Variants in PLCB1 observed in about 807,000 individuals in gnomAD.
PLCB1 encodes 1-phosphatidylinositol 4,5-bisphosphate phosphodiesterase beta-1.
A neutral mutation model predicts 161.8 loss-of-function variants in PLCB1; 46 were observed. The observed-to-expected ratio is 0.28, with a 90% CI of 0.22 to 0.36. The LOEUF (loss-of-function observed/expected upper bound fraction) is 0.36. Ranked by LOEUF, PLCB1 falls within the 10% of genes least tolerant of loss-of-function variation. The pLI, the probability that PLCB1 is intolerant of heterozygous loss-of-function variation, is 1.00. For missense variants in PLCB1, 1,016 were observed against 1,472.5 expected, an observed-to-expected ratio of 0.69 and a Z score of 5.07; for synonymous variants, 517 against 503.7, an observed-to-expected ratio of 1.03 and a Z score of -0.35.
intron 2 of PLCB1, among the ~76,000 whole-genome samples, chr20:8,241,199 G>A (rs1435406141): frequency 6.6e-6 from 1 of 151,968 alleles, no homozygotes; most frequent in Non-Finnish European, 1.5e-5. Flanking sequence ...TGCATAGTGA[G>A]TTGATAAAAA....
intron 31 of PLCB1, among the ~76,000 whole-genome samples, chr20:8,810,408 C>T (rs1342250130): frequency 1.3e-5 from 2 of 152,022 alleles, no homozygotes; most frequent in Non-Finnish European, 2.9e-5. Flanking sequence ...ACCATCATAA[C>T]ATTTTGGGAG....
intron 31 of PLCB1, among the ~76,000 whole-genome samples, chr20:8,802,689 A>G (rs1568605535): frequency 6.6e-6 from 1 of 152,134 alleles, no homozygotes; most frequent in Non-Finnish European, 1.5e-5. Context: ...TTATTCCCAC[A>G]TGGTATTTAG....
intron 9 of PLCB1, 91 bp downstream of exon 9, chr20:8,658,795 G>A: frequency 3.6e-6 from 4 of 1,104,762 alleles, no homozygotes; most frequent in Non-Finnish European, 3.9e-6. Context: ...TGATCGTTAG[G>A]TTAGTTTCCT....
chr20:8,185,838 T>C (rs751960044), intron 2 of PLCB1, among the ~76,000 whole-genome samples: 12 of 152,204 alleles, frequency 7.9e-5, no homozygotes, highest in Non-Finnish European at 1.8e-4. Flanking sequence ...GACTTTTTGG[T>C]TAGCTAGATT....
rs1284158232 is a variant in PLCB1, at chr20:8,737,019, A to G, written c.2044-9A>G. On this transcript the variant is annotated splice_polypyrimidine_tract_variant and intron_variant, in intron 19 of 31. Transcript: ENST00000338037. ...TCCTTATGGATTGATTGATTTATTG[A>G]TTTTCTAGATTATTTCAGGTCAGTT... 6.2e-7 allele frequency: 1 copy of G among 1,601,550 alleles called. No individual in the cohort carries two copies. The highest frequency in any genetic ancestry group is 1.7e-5 in the Admixed American group (1 of 59,574).
intron 31 of PLCB1, among the ~76,000 whole-genome samples, chr20:8,795,628 C>T (rs1057074532): frequency 2.6e-5 from 4 of 152,206 alleles, no homozygotes; most frequent in African/African-American, 9.6e-5. Context: ...AGTCTTCTGA[C>T]TCAGTGAAAT....
chr20:8,517,274 TAGAA>T (rs764855921), intron 3 of PLCB1, among the ~76,000 whole-genome samples: 1 of 152,032 alleles, frequency 6.6e-6, no homozygotes, highest in Non-Finnish European at 1.5e-5. Context: ...TATTGGAACA[TAGAA>T]AGATATGAAA....
At chr20:8,678,172 T>C (rs1990132344) in intron 9 of PLCB1, among the ~76,000 whole-genome samples, 1 of 152,126 alleles carries the variant, frequency 6.6e-6, no homozygotes, top group Non-Finnish European at 1.5e-5. Context: ...AGGGAAAATT[T>C]TAAAAAATTG....
In PLCB1 at chr20:8,297,004, G is replaced by A. The variant is rs73895761; in HGVS notation, c.178-74378G>A. On this transcript the variant is annotated intron_variant, in intron 2 of 31. Coordinates refer to ENST00000338037, the MANE Select transcript of PLCB1 (RefSeq NM_015192.4). ...TATCATCATTTATCTTGCTTTGAAT[G>A]AACTTGAGTACATATAGTTGTGTGT... is the stretch of plus-strand genomic sequence containing the variant. 8.1e-3 allele frequency among the ~76,000 whole-genome samples: 1,231 copies of A among 152,040 alleles called. 11 individuals carry two copies. Among genetic ancestry groups the A allele is most frequent in the African/African-American group, 0.028 (1,152 of 41,462 alleles).
Position 8,132,803 on chromosome 20 carries a change from C to T in PLCB1, c.99+53C>T, listed in dbSNP as rs2051306239. 1 of 1,197,192 alleles carries T rather than the reference C, an allele frequency of 8.4e-7. No individual in the cohort carries two copies. The highest frequency in any genetic ancestry group is 1.8e-5 in the Admixed American group (1 of 55,724). The allele number at this position is 1,197,192 out of a possible 1,614,324, so 74.2% of individuals were successfully genotyped here. ...GCGCTGGCTCGGGCACCGGGCAGGGCGGGCGTCGTGGGGGTGGGGCAAGGG... is the reference window on the plus strand; with the variant it reads ...GCGCTGGCTCGGGCACCGGGCAGGGTGGGCGTCGTGGGGGTGGGGCAAGGG... On this transcript the variant is annotated intron_variant, in intron 1 of 31. Coordinates refer to ENST00000338037, the MANE Select transcript of PLCB1 (RefSeq NM_015192.4). The surrounding 1 kb of genome is among the most constrained non-coding windows in gnomAD (Gnocchi z 5.2).
intron 3 of PLCB1, among the ~76,000 whole-genome samples, chr20:8,575,389 A>G (rs1986644399): frequency 6.6e-6 from 1 of 152,214 alleles, no homozygotes; most frequent in Non-Finnish European, 1.5e-5. Flanking sequence ...GTGGAAGATT[A>G]TTATTGTGCC....
At chr20:8,330,556 A>G (rs1485613957) in intron 2 of PLCB1, among the ~76,000 whole-genome samples, 16 of 152,134 alleles carry the variant, frequency 1.1e-4, no homozygotes, top group Admixed American at 1.0e-3. Flanking sequence ...ACACCCAGCA[A>G]CCACTCTCAG....
intron 1 of PLCB1, among the ~76,000 whole-genome samples, chr20:8,140,159 C>A (rs570917240): frequency 6.6e-6 from 1 of 152,264 alleles, no homozygotes; most frequent in African/African-American, 2.4e-5. Flanking sequence ...TGATTTCTCA[C>A]CTTTCTGAAT....
intron 3 of PLCB1, among the ~76,000 whole-genome samples, chr20:8,594,466 G>A (rs2123118320): frequency 6.6e-6 from 1 of 152,278 alleles, no homozygotes; most frequent in East Asian, 1.9e-4. Context: ...AGAACCTGAT[G>A]AAGTAGGTTA....
intron 31 of PLCB1, among the ~76,000 whole-genome samples, chr20:8,790,534 A>C (rs1983703793): frequency 6.6e-6 from 1 of 152,184 alleles, no homozygotes; most frequent in Non-Finnish European, 1.5e-5. Context: ...AGACAAAGGT[A>C]TTTTTATAGT....
At chr20:8,231,811 A>T (rs969590324) in intron 2 of PLCB1, among the ~76,000 whole-genome samples, 1 of 152,198 alleles carries the variant, frequency 6.6e-6, no homozygotes, top group Non-Finnish European at 1.5e-5. Flanking sequence ...AGGGATAGAC[A>T]AAATTATCAA....
intron 12 of PLCB1, among the ~76,000 whole-genome samples, chr20:8,711,468 G>A (rs372930739): frequency 1.1e-4 from 17 of 152,128 alleles, no homozygotes; most frequent in African/African-American, 2.9e-4. Flanking sequence ...GATAAATTTA[G>A]CTATTAAAAG....
intron 3 of PLCB1, among the ~76,000 whole-genome samples, chr20:8,585,832 T>A (rs562854733): frequency 3.2e-4 from 49 of 152,362 alleles, no homozygotes; most frequent in South Asian, 8.3e-4. Context: ...ACTATCTCCA[T>A]GAAATCTTTT....
chr20:8,846,763 C>T (rs753828928), intron 31 of PLCB1, among the ~76,000 whole-genome samples: 3 of 152,156 alleles, frequency 2.0e-5, no homozygotes, highest in Non-Finnish European at 4.4e-5. Context: ...GCACCTGAAG[C>T]GTCTCTTGAA....
Sources: gnomAD v4.1 joint callset for allele counts (sites outside exome capture counted in the v4.1 genomes callset) on GRCh38, gnomAD v4.1.1 for gene constraint, Gnocchi (gnomAD v3.1) non-coding constraint, MANE v1.5 for transcripts, NCBI Gene and HGNC (gene_info 2026-07-23, HGNC 2026-07-21) for gene names.